The following C16orf96 variants were observed in gnomAD, a reference collection of about 807,000 sequenced individuals.
The protein encoded by C16orf96 is chromosome 16 open reading frame 96.
Under a neutral mutation model 103.6 loss-of-function variants are expected in C16orf96, and 108 were observed. The observed-to-expected ratio is 1.04, with a 90% confidence interval of 0.89 to 1.22. C16orf96 has a LOEUF of 1.22. C16orf96 is among the 50% of genes most tolerant of loss of function. C16orf96 has a pLI of 0.00. For missense variants in C16orf96, 1,586 were observed against 1,464.2 expected, an observed-to-expected ratio of 1.08 and a Z score of -1.36; for synonymous variants, 566 against 593.5, an observed-to-expected ratio of 0.95 and a Z score of 0.67.
chr16:4,564,374 C>G (rs556706632), intron 1 of C16orf96, among the ~76,000 whole-genome samples: 4 of 152,116 alleles, frequency 2.6e-5, no homozygotes, highest in African/African-American at 2.4e-5. Context: ...CAGGAAGTCC[C>G]CGGGAGAGGG....
chr16:4,548,593 C>T, the C16orf96 span, among the ~76,000 whole-genome samples: 1 of 152,220 alleles, frequency 6.6e-6, no homozygotes, highest in East Asian at 1.9e-4. Flanking sequence ...AGGAGCTCAG[C>T]TGGGCGTGGT....
Position 4,591,779 on chromosome 16 carries a change from TAGG to T in C16orf96, c.2710_2711+1del. 6.5e-7 allele frequency: 1 copy of T among 1,548,306 alleles called. No individual in the cohort carries two copies. The highest frequency in any genetic ancestry group is 1.2e-5 in the South Asian group (1 of 83,830). ...TGGATCCTGACAGTGCTGCTGGCTT[TAGG>T]AGGTGAGTGCCCGCCCGAGCCCCTC... On this transcript the variant is annotated inframe_deletion and splice_region_variant, in exon 10 of 16. Transcript: ENST00000444310.
the C16orf96 span, among the ~76,000 whole-genome samples, chr16:4,546,253 G>A: frequency 3.5e-4 from 52 of 149,038 alleles, no homozygotes; most frequent in Non-Finnish European, 6.7e-4. Context: ...CCACCTCCCA[G>A]GTTCACGCCA....
intron 7 of C16orf96, among the ~76,000 whole-genome samples, chr16:4,585,320 A>G (rs1232243752): frequency 7.8e-6 from 1 of 128,236 alleles, no homozygotes; most frequent in Non-Finnish European, 1.6e-5. Flanking sequence ...AAATCCAGGT[A>G]GGTGGTGTCA....
Position 4,593,316 on chromosome 16 carries a change from G to T in C16orf96, c.2867G>T (p.Arg956Met). ...SCEYLQRQQM[R>M]EQQWLQLQDL... is the part of the protein sequence containing the mutation. ...GAGTACTTGCAGCGGCAACAGATGA[G>T]GTGAGCAGGATGGGCGCCCCGCAGG... The change falls in exon 12 of 16, where the codon AGG (arginine) becomes ATG (methionine). Residue 956 changes from arginine to methionine, a missense_variant and splice_region_variant. By Grantham distance (91) the Arg-to-Met change is moderately conservative. Coordinates refer to ENST00000444310, the MANE Select transcript of C16orf96 (RefSeq NM_001145011.2). The surrounding 1 kb of genome is among the most constrained non-coding windows in gnomAD (Gnocchi z 4.2). 1 of 1,550,472 alleles carries T rather than the reference G, an allele frequency of 6.4e-7. No individual in the cohort carries two copies. The highest frequency in any genetic ancestry group is 1.2e-5 in the South Asian group (1 of 83,992).
At chr16:4,581,170 ATATATATATATAT>A (rs2059583528) in intron 7 of C16orf96, among the ~76,000 whole-genome samples, 6 of 117,490 alleles carry the variant, frequency 5.1e-5, no homozygotes, top group Admixed American at 2.5e-4. Flanking sequence ...ATATATATAT[ATATATATATATAT>A]AATTAGCCAG....
At chr16:4,594,937 A>G in intron 14 of C16orf96, 134 bp downstream of exon 14, 1 of 979,732 alleles carries the variant, frequency 1.0e-6, no homozygotes, top group Non-Finnish European at 1.5e-6. Flanking sequence ...CAGTCACAAA[A>G]ATTGGGTCAC....
the C16orf96 span, among the ~76,000 whole-genome samples, chr16:4,551,052 C>T: frequency 6.6e-6 from 1 of 152,194 alleles, no homozygotes; most frequent in African/African-American, 2.4e-5. Flanking sequence ...GCCAGAGGAC[C>T]GCTTGAGGCC....
chr16:4,580,028 A>C lies in C16orf96; in HGVS notation c.2255A>C (p.Glu752Ala), dbSNP rs1382222031. Residue 752 changes from glutamate (E) to alanine (A), a missense_variant, in exon 7 of 16, where the codon GAG (glutamate) becomes GCG (alanine). Physicochemically the swap from Glu to Ala is moderately radical, Grantham distance 107. Coordinates refer to ENST00000444310, the MANE Select transcript of C16orf96 (RefSeq NM_001145011.2). ...QKSRLKEEEL[E>A]RIWGNQIEMM... Reference sequence around the variant, plus strand: ...TCCCCCTTTTAGGAGGAAGAACTTGAGAGAATTTGGGGCAACCAAATAGAG... The same window carrying C: ...TCCCCCTTTTAGGAGGAAGAACTTGCGAGAATTTGGGGCAACCAAATAGAG... The C allele has an allele frequency of 2.4e-5, 38 of 1,551,238 alleles. No homozygotes were observed. Among genetic ancestry groups the C allele is most frequent in the Non-Finnish European group, 3.2e-5 (37 of 1,146,796 alleles).
chr16:4,585,334 G>A (rs1390993231), intron 7 of C16orf96, among the ~76,000 whole-genome samples: 1 of 144,530 alleles, frequency 6.9e-6, no homozygotes. Flanking sequence ...GGTGTCACCT[G>A]CAGTCCCAGC....
the C16orf96 span, among the ~76,000 whole-genome samples, chr16:4,542,859 GTACTTTA>G: frequency 6.6e-6 from 1 of 152,116 alleles, no homozygotes; most frequent in South Asian, 2.1e-4. Context: ...AATGCAGTGT[GTACTTTA>G]TATTTACAGG....
intron 9 of C16orf96, among the ~76,000 whole-genome samples, chr16:4,591,402 G>T (rs1017250161): frequency 2.6e-5 from 4 of 151,986 alleles, no homozygotes; most frequent in Non-Finnish European, 4.4e-5. Context: ...GGTTTGATTT[G>T]GTCTTTTGCA....
the C16orf96 span, among the ~76,000 whole-genome samples, chr16:4,539,542 G>A: frequency 4.6e-5 from 7 of 152,022 alleles, no homozygotes; most frequent in Admixed American, 2.0e-4. Context: ...AAAATTAGCC[G>A]GGTATGGTGG....
chr16:4,574,510 CTG>C (rs1440254078), intron 2 of C16orf96, among the ~76,000 whole-genome samples, 197 bp from the exon 3 acceptor site: 1 of 152,254 alleles, frequency 6.6e-6, no homozygotes, highest in Non-Finnish European at 1.5e-5. Flanking sequence ...GCATGAGACA[CTG>C]TGCCCGGCCT....
At chr16:4,573,200 A>G (rs529903143) in intron 2 of C16orf96, among the ~76,000 whole-genome samples, 12 of 152,044 alleles carry the variant, frequency 7.9e-5, no homozygotes, top group East Asian at 7.7e-4. Context: ...CACTTTGGGA[A>G]GCCAAAGCAG....
chr16:4,549,080 C>G, the C16orf96 span, among the ~76,000 whole-genome samples: 2 of 151,938 alleles, frequency 1.3e-5, no homozygotes, highest in African/African-American at 2.4e-5. Flanking sequence ...AAATAAGACC[C>G]GAGTCTTATA....
intron 9 of C16orf96, among the ~76,000 whole-genome samples, chr16:4,591,152 G>A (rs972536757): frequency 6.6e-5 from 10 of 151,992 alleles, no homozygotes; most frequent in South Asian, 2.1e-4. Flanking sequence ...GCACCACTGC[G>A]CTCCAGCCTG....
At chr16:4,540,382 G>A in the C16orf96 span, among the ~76,000 whole-genome samples, 1 of 152,148 alleles carries the variant, frequency 6.6e-6, no homozygotes, top group African/African-American at 2.4e-5. Context: ...GAGTCAGAAA[G>A]GTGAGGATGT....
chr16:4,599,503 A>C, intron 15 of C16orf96, 139 bp downstream of exon 15: 1 of 752,020 alleles, frequency 1.3e-6, no homozygotes, highest in Non-Finnish European at 2.3e-6. Flanking sequence ...TTGCCTGCCT[A>C]TGGCACTTCA....
Sources: gnomAD v4.1 joint callset for allele counts (sites outside exome capture counted in the v4.1 genomes callset) on GRCh38, gnomAD v4.1.1 for gene constraint, Gnocchi (gnomAD v3.1) non-coding constraint, MANE v1.5 for transcripts, NCBI Gene and HGNC (gene_info 2026-07-23, HGNC 2026-07-21) for gene names.